SPEG: variants seen among roughly 807,000 people sequenced by gnomAD.
SPEG encodes the protein striated muscle enriched protein kinase.
Under a neutral mutation model 300.4 loss-of-function variants are expected in SPEG, and 114 were observed. The ratio of observed to expected loss-of-function variants is 0.38; its 90% CI spans 0.33 to 0.44. The LOEUF (loss-of-function observed/expected upper bound fraction) is 0.44. SPEG is among the 20% of genes least tolerant of loss of function. The probability of loss-of-function intolerance (pLI) is 1.00; values close to 1 mark genes in which losing one functional copy is unlikely to be tolerated. For missense variants in SPEG, 4,201 were observed against 4,586.2 expected, an observed-to-expected ratio of 0.92 and a Z score of 2.43; for synonymous variants, 1,964 against 2,018.9, an observed-to-expected ratio of 0.97 and a Z score of 0.73.
In SPEG at chr2:219,482,768, T is replaced by C. The variant is rs769283949; in HGVS notation, c.5566-16T>C. 5 of 1,613,206 alleles carry C rather than the reference T, an allele frequency of 3.1e-6. No individual in the cohort carries two copies. In the South Asian group the frequency reaches 5.5e-5, roughly 18 times the overall value. On this transcript the variant is annotated splice_polypyrimidine_tract_variant and intron_variant, in intron 28 of 40. Coordinates refer to ENST00000312358, the MANE Select transcript of SPEG (RefSeq NM_005876.5). ...GTTGACAGCTTTCCCTCAAGCCCTC[T>C]TTCCTGGGTTTGCAGACTCAGGCAA...
rs1454220961 is a variant in SPEG at position 219,483,601 on chromosome 2, C to A, written c.6138C>A (p.Pro2046=). The A allele has an allele frequency of 6.7e-7, 1 of 1,493,978 alleles. No individual in the cohort carries two copies. The highest frequency in any genetic ancestry group is 2.7e-5 in the East Asian group (1 of 36,582). The allele number at this position is 1,493,978 out of a possible 1,614,324, so 92.5% of individuals were successfully genotyped here. A position where few individuals can be genotyped will look rare whatever the true frequency, so the allele number is the denominator to read the frequency against. The change falls in exon 30 of 41, where the codon CCC becomes CCA. Residue 2046 remains proline (P), a synonymous_variant. Coordinates refer to ENST00000312358, the MANE Select transcript of SPEG (RefSeq NM_005876.5). ...TGGAGCTGCCGCAGCGCCGGAGCCC[C>A]AGCCCGGGAGCCACCCGCCTGGCCC... ...ASVELPQRRS[P]SPGATRLARG...
In SPEG at chr2:219,484,284, C is replaced by T. The variant is rs1203372415; in HGVS notation, c.6821C>T (p.Pro2274Leu). The change falls in exon 30 of 41, where the codon CCC (proline) becomes CTC (leucine). Residue 2274 changes from proline to leucine, a missense_variant. By Grantham distance (98) the Pro-to-Leu change is moderately conservative. Transcript: ENST00000312358. Reference sequence around the variant, plus strand: ...GCCGCGCCGCCTTCAGAGCCCAAGCCCCACGCTGCTGTCTTTGCCAGGGTG... The same window carrying T: ...GCCGCGCCGCCTTCAGAGCCCAAGCTCCACGCTGCTGTCTTTGCCAGGGTG... ...GPAAPPSEPKPHAAVFARVAS... is the reference protein window; with the variant it reads ...GPAAPPSEPKLHAAVFARVAS... 4.4e-6 allele frequency: 7 copies of T among 1,608,096 alleles called. No individual in the cohort carries two copies. The highest frequency in any genetic ancestry group is 5.1e-6 in the Non-Finnish European group (6 of 1,179,548).
In SPEG at chr2:219,469,042, GC is replaced by G. The variant is rs1360244069; in HGVS notation, c.3489del (p.Ser1164AlafsTer44). 6.2e-7 allele frequency: 1 copy of G among 1,611,962 alleles called. No individual in the cohort carries two copies. ...YVEEPRTAAS[G>X]PSSKLEKMPS... is the part of the protein sequence containing the mutation. ...GAAGAGCCCCGGACAGCCGCCTCAG[GC>G]CCCAGGTACCACCGGGGCCCCAAAT... On this transcript the variant is annotated frameshift_variant, in exon 12 of 41. Transcript: ENST00000312358. LOFTEE classifies it high-confidence loss of function.
At position 219,484,998 on chromosome 2, in the gene SPEG, C is replaced by T. The variant is rs1400880083; in HGVS notation, c.7535C>T (p.Ala2512Val). Residue 2512 changes from alanine (A) to valine (V), a missense_variant, in exon 30 of 41, where the codon GCC becomes GTC. Coordinates refer to ENST00000312358, the MANE Select transcript of SPEG (RefSeq NM_005876.5). ...RRLGLPHNQL[A>V]AQAGATTPSA... ...CTTGGCCTTCCGCACAACCAGTTGGCCGCCCAGGCCGGCGCCACCACGCCT... is the reference window on the plus strand; with the variant it reads ...CTTGGCCTTCCGCACAACCAGTTGGTCGCCCAGGCCGGCGCCACCACGCCT... 6.5e-7 allele frequency: 1 copy of T among 1,531,058 alleles called. No individual in the cohort carries two copies. Among genetic ancestry groups the T allele is most frequent in the Non-Finnish European group, 8.7e-7 (1 of 1,145,176 alleles). The allele number at this position is 1,531,058 out of a possible 1,614,324, so 94.8% of individuals were successfully genotyped here. A position where few individuals can be genotyped will look rare whatever the true frequency, so the allele number is the denominator to read the frequency against.
Position 219,488,291 on chromosome 2 carries a change from G to T in SPEG, c.7839G>T (p.Pro2613=). The T allele has an allele frequency of 6.2e-7, 1 of 1,610,564 alleles. No individual in the cohort carries two copies. The highest frequency in any genetic ancestry group is 8.5e-7 in the Non-Finnish European group (1 of 1,178,118). The change falls in exon 32 of 41, where the codon CCG becomes CCT. Residue 2613 remains proline (P), a synonymous_variant. Transcript: ENST00000312358. The part of the protein sequence containing the change: ...LLCLPAACPA[P]HISWMKDKKS... ...GCCTGCCAGCGGCCTGCCCTGCACCGCACATCTCCTGGATGAAAGGTAAGG... is the reference window on the plus strand; with the variant it reads ...GCCTGCCAGCGGCCTGCCCTGCACCTCACATCTCCTGGATGAAAGGTAAGG...
chr2:219,471,723 C>A, intron 13 of SPEG, 145 bp from the exon 14 acceptor site: 1 of 972,904 alleles, frequency 1.0e-6, no homozygotes, highest in Non-Finnish European at 1.5e-6. Flanking sequence ...CTTCTTGCTG[C>A]CTGCCCCATC....
Position 219,472,834 on chromosome 2 carries a change from TG to T in SPEG, c.3941-52del, listed in dbSNP as rs35188938. ...GTTCCAGGGTCCCGGGCCAGCTGGA[TG>T]GGGAGGGGTTACTGCTCCTGCAACA... On this transcript the variant is annotated intron_variant, in intron 15 of 40. Transcript: ENST00000312358. 6.9e-6 allele frequency: 10 copies of T among 1,456,610 alleles called. No individual in the cohort carries two copies. The Admixed American group carries it at 1.8e-4, about 27-fold the overall frequency. 90.2% of individuals were successfully genotyped at this position (1,456,610 alleles called of 1,614,324 possible).
chr2:219,484,181 C>T lies in SPEG; in HGVS notation c.6718C>T (p.Leu2240=), dbSNP rs772063920. ...PPPQALQTLA[L]PLTPYAQIIQ... ...CCCCCAGGCCCTGCAAACCCTAGCG[C>T]TGCCCCTCACACCCTATGCTCAGAT... The change falls in exon 30 of 41, where the codon CTG becomes TTG. Residue 2240 remains leucine, a synonymous_variant. Transcript: ENST00000312358. The T allele has an allele frequency of 6.2e-7, 1 of 1,612,734 alleles. No homozygotes were observed. Among genetic ancestry groups the T allele is most frequent in the Non-Finnish European group, 8.5e-7 (1 of 1,179,768 alleles).
intron 18 of SPEG, among the ~76,000 whole-genome samples, chr2:219,474,749 C>T (rs1466249441): frequency 6.6e-6 from 1 of 151,836 alleles, no homozygotes; most frequent in Non-Finnish European, 1.5e-5. Context: ...CCCTTCGGCA[C>T]AAGCCTGTTT....
rs1382773348 is a variant in SPEG, at chr2:219,467,353, G to A, written c.3061G>A (p.Gly1021Ser). 1.2e-6 allele frequency: 2 copies of A among 1,612,424 alleles called. No homozygotes were observed. Among genetic ancestry groups the A allele is most frequent in the Non-Finnish European group, 1.7e-6 (2 of 1,179,994 alleles). ...ALLKCKMHFDGRKCKLLLTSV... is the reference protein window; with the variant it reads ...ALLKCKMHFDSRKCKLLLTSV... The stretch of plus-strand genomic sequence containing the variant: ...GCTCAAATGCAAGATGCATTTCGAT[G>A]GCCGCAAATGCAAGCTGCTACTTAC... The change falls in exon 10 of 41, where the codon GGC becomes AGC. Residue 1021 changes from glycine to serine, a missense_variant. Gly to Ser is a moderately conservative substitution (Grantham distance 56). Coordinates refer to ENST00000312358, the MANE Select transcript of SPEG (RefSeq NM_005876.5).
At chr2:219,453,352 C>T (rs192999487) in intron 6 of SPEG, among the ~76,000 whole-genome samples, 6 of 152,324 alleles carry the variant, frequency 3.9e-5, no homozygotes, top group East Asian at 3.9e-4. Context: ...ATAATGACAC[C>T]GTCCTCACGG....
At position 219,473,534 on chromosome 2, in the gene SPEG, T is replaced by G. The variant is rs1692075746; in HGVS notation, c.4178T>G (p.Leu1393Arg). 1 of 1,614,122 alleles carries G rather than the reference T, an allele frequency of 6.2e-7. No homozygotes were observed. Among genetic ancestry groups the G allele is most frequent in the African/African-American group, 1.3e-5 (1 of 75,060 alleles). ...ACCCTGGAGGAGGCCCCTGCCATGCTGGACAAACCAGACATCGTGTATGTG... is the reference window on the plus strand; with the variant it reads ...ACCCTGGAGGAGGCCCCTGCCATGCGGGACAAACCAGACATCGTGTATGTG... ...GPTLEEAPAM[L>R]DKPDIVYVVE... Residue 1393 changes from leucine to arginine, a missense_variant, in exon 17 of 41, where the codon CTG (leucine) becomes CGG (arginine). By Grantham distance (102) the Leu-to-Arg change is moderately radical. Coordinates refer to ENST00000312358, the MANE Select transcript of SPEG (RefSeq NM_005876.5). This position sits in a 1 kb window ranked among gnomAD's most constrained non-coding sequence, Gnocchi z 4.6.
chr2:219,478,140 A>C, intron 22 of SPEG, 35 bp downstream of exon 22: 1 of 1,566,968 alleles, frequency 6.4e-7, no homozygotes, highest in South Asian at 1.1e-5. Context: ...AGGGGGATCC[A>C]TGCCTAAATG....
Position 219,448,344 on chromosome 2 carries a change from G to A in SPEG, c.1186G>A (p.Ala396Thr), listed in dbSNP as rs759258536. The A allele has an allele frequency of 1.3e-6, 2 of 1,589,910 alleles. No individual in the cohort carries two copies. The highest frequency in any genetic ancestry group is 2.3e-5 in the South Asian group (2 of 88,474). The stretch of plus-strand genomic sequence containing the variant: ...GGGCCGATCGCCTAGGCTGGTGCGC[G>A]CCGGCTCCCGCATCCTGGACAAGCT... ...ALGRSPRLVR[A>T]GSRILDKLQF... The change falls in exon 4 of 41, where the codon GCC becomes ACC. Residue 396 changes from alanine to threonine, a missense_variant. Physicochemically the swap from Ala to Thr is moderately conservative, Grantham distance 58. Transcript: ENST00000312358.
At position 219,473,776 on chromosome 2, in the gene SPEG, C is replaced by A; in HGVS notation, c.4320C>A (p.Ser1440Arg). 6.2e-7 allele frequency: 1 copy of A among 1,614,078 alleles called. No individual in the cohort carries two copies. Among genetic ancestry groups the A allele is most frequent in the Non-Finnish European group, 8.5e-7 (1 of 1,180,034 alleles). Residue 1440 changes from serine to arginine, a missense_variant, in exon 18 of 41, where the codon AGC becomes AGA. Around this residue, in one of 4 missense-constraint regions of SPEG, gnomAD observed 1,047 missense variants for 1,356.8 expected, o/e 0.77. Coordinates refer to ENST00000312358, the MANE Select transcript of SPEG (RefSeq NM_005876.5). This position sits in a 1 kb window ranked among gnomAD's most constrained non-coding sequence, Gnocchi z 4.6. ...LEARAGVYEL[S>R]QPDDDQYCLR... Reference sequence around the variant, plus strand: ...CACGGGCCGGTGTGTACGAGCTGAGCCAGCCAGATGATGACCAGTACTGTC... The same window carrying A: ...CACGGGCCGGTGTGTACGAGCTGAGACAGCCAGATGATGACCAGTACTGTC...
chr2:219,473,004 G>T lies in SPEG; in HGVS notation c.4055G>T (p.Gly1352Val). ...PGWAATGLRK[G>V]VQHIFRVLST... is the part of the protein sequence containing the mutation. ...TGGGCAGCCACAGGGCTGCGTAAGG[G>T]GGTCCAGCACATCTTCCGGGTCCTC... The change falls in exon 16 of 41, where the codon GGG (glycine) becomes GTG (valine). Residue 1352 changes from glycine (G) to valine (V), a missense_variant. Gly to Val is a moderately radical substitution (Grantham distance 109). This residue lies in a region of SPEG where 1,047 missense variants were observed against 1,356.8 expected (regional missense o/e 0.77). Transcript: ENST00000312358. The surrounding 1 kb of genome is among the most constrained non-coding windows in gnomAD (Gnocchi z 4.6). 6.2e-7 allele frequency: 1 copy of T among 1,614,012 alleles called. No homozygotes were observed. Among genetic ancestry groups the T allele is most frequent in the South Asian group, 1.1e-5 (1 of 91,080 alleles).
chr2:219,441,547 A>C, intron 1 of SPEG: 1 of 470,722 alleles, frequency 2.1e-6, no homozygotes, highest in Non-Finnish European at 4.4e-6. Context: ...TTGTGGAATG[A>C]GCAAGTCGAG....
intron 10 of SPEG, 108 bp from the exon 11 acceptor site, chr2:219,468,470 C>A: frequency 7.7e-7 from 1 of 1,296,950 alleles, no homozygotes; most frequent in Non-Finnish European, 1.1e-6. Flanking sequence ...CTTTGCTGGG[C>A]TCTGCCCAGG....
chr2:219,492,609 G>T lies in SPEG; in HGVS notation c.9627G>T (p.Leu3209=), dbSNP rs760110369. 6 of 1,609,728 alleles carry T rather than the reference G, an allele frequency of 3.7e-6. No individual in the cohort carries two copies. Among genetic ancestry groups the T allele is most frequent in the Non-Finnish European group, 5.1e-6 (6 of 1,179,992 alleles). ...LSVHPWSRPS[L]QDCLAHPWLQ... ...TGCCTGGCAGGAGCCGGCCCTCCCT[G>T]CAGGACTGCCTGGCCCACCCATGGT... The change falls in exon 41 of 41, where the codon CTG becomes CTT. Residue 3209 remains leucine, a synonymous_variant. Coordinates refer to ENST00000312358, the MANE Select transcript of SPEG (RefSeq NM_005876.5).
Sources: gnomAD v4.1 joint callset for allele counts (sites outside exome capture counted in the v4.1 genomes callset) on GRCh38, gnomAD v4.1.1 for gene constraint, gnomAD v4.1.1 regional missense constraint, Gnocchi (gnomAD v3.1) non-coding constraint, MANE v1.5 for transcripts, NCBI Gene and HGNC (gene_info 2026-07-23, HGNC 2026-07-21) for gene names.